The following CASS4 variants were observed in gnomAD, a reference collection of about 807,000 sequenced individuals.
The protein encoded by CASS4 is Cas scaffold protein family member 4.
In CASS4, 22 loss-of-function variants were observed where a neutral mutation model predicts 54.2. The observed-to-expected ratio is 0.41, with a 90% confidence interval of 0.29 to 0.58. CASS4 has a LOEUF of 0.58. Ranked by LOEUF, CASS4 falls within the 20% of genes least tolerant of loss-of-function variation. CASS4 has a pLI of 0.36. For synonymous variants in CASS4, 409 were observed against 391.5 expected, an observed-to-expected ratio of 1.04 and a Z score of -0.53; for missense variants, 854 against 986.7, an observed-to-expected ratio of 0.87 and a Z score of 1.80.
intron 1 of CASS4, among the ~76,000 whole-genome samples, chr20:56,413,587 C>T (rs1340903921): frequency 6.8e-6 from 1 of 147,714 alleles, no homozygotes; most frequent in Non-Finnish European, 1.5e-5. Flanking sequence ...GCACAAGAAT[C>T]GCTTGAGCCT....
intron 1 of CASS4, among the ~76,000 whole-genome samples, chr20:56,429,143 T>C (rs1979782483): frequency 6.6e-6 from 1 of 152,212 alleles, no homozygotes; most frequent in Non-Finnish European, 1.5e-5. Flanking sequence ...CTGCAGGAGC[T>C]GCTTCTCTCC....
At chr20:56,416,048 TA>T (rs922901737) in intron 1 of CASS4, among the ~76,000 whole-genome samples, 2 of 152,162 alleles carry the variant, frequency 1.3e-5, no homozygotes, top group African/African-American at 4.8e-5. Flanking sequence ...ACTAGAAATT[TA>T]GTTTTCGTGG....
intron 1 of CASS4, among the ~76,000 whole-genome samples, chr20:56,423,411 T>TGTC (rs772474647): frequency 8.7e-4 from 133 of 152,196 alleles, no homozygotes; most frequent in Non-Finnish European, 1.5e-3. Context: ...TCCAAATGAC[T>TGTC]GTCACACCAT....
chr20:56,413,561 T>C lies in CASS4; in HGVS notation c.36+1067T>C, dbSNP rs1191111490. 2.0e-5 allele frequency among the ~76,000 whole-genome samples: 3 copies of C among 150,650 alleles called. No homozygotes were observed. The Admixed American group carries it at 2.0e-4, about 10-fold the overall frequency. ...GGTGGCGCATGCCCGTGATCCCAGC[T>C]ACTCGGGAGGCTGAGGCACAAGAAT... On this transcript the variant is annotated intron_variant, in intron 1 of 5. Transcript: ENST00000679887.
chr20:56,445,657 C>A (rs541945433), intron 2 of CASS4, among the ~76,000 whole-genome samples: 2 of 152,338 alleles, frequency 1.3e-5, no homozygotes, highest in South Asian at 4.1e-4. Flanking sequence ...TTCAGGTGAA[C>A]TTCCCAGGTG....
chr20:56,443,418 G>C (rs1002154668), intron 2 of CASS4, among the ~76,000 whole-genome samples: 1 of 144,308 alleles, frequency 6.9e-6, no homozygotes, highest in Admixed American at 7.4e-5. Flanking sequence ...GCAGTAAGCC[G>C]AAATGGCACC....
intron 5 of CASS4, among the ~76,000 whole-genome samples, chr20:56,455,414 A>G (rs993408827): frequency 2.0e-5 from 3 of 152,196 alleles, no homozygotes; most frequent in Non-Finnish European, 4.4e-5. Context: ...AGAGGGTGGA[A>G]GAAAAGGATG....
At chr20:56,426,532 TCTTCTTCTTCTTCTTTTTTTTCCCC>T (rs1979647134) in intron 1 of CASS4, among the ~76,000 whole-genome samples, 1 of 151,180 alleles carries the variant, frequency 6.6e-6, no homozygotes, top group Admixed American at 6.6e-5. Context: ...GATTTTTCCC[TCTTCTTCTTCTTCTTTTTTTTCCCC>T]CTTCTTCTTC....
intron 1 of CASS4, among the ~76,000 whole-genome samples, chr20:56,418,830 T>G (rs1007994643): frequency 6.6e-6 from 1 of 152,216 alleles, no homozygotes; most frequent in African/African-American, 2.4e-5. Flanking sequence ...GAATGCCTGC[T>G]GCACACCAGG....
intron 1 of CASS4, among the ~76,000 whole-genome samples, chr20:56,418,563 C>T (rs979657076): frequency 6.6e-6 from 1 of 152,206 alleles, no homozygotes; most frequent in Non-Finnish European, 1.5e-5. Context: ...AGCTGGTAAA[C>T]GTGGAGACTT....
intron 3 of CASS4, among the ~76,000 whole-genome samples, chr20:56,448,466 G>T (rs564672096): frequency 1.3e-5 from 2 of 152,172 alleles, no homozygotes; most frequent in East Asian, 3.9e-4. Flanking sequence ...GCCAGAGTCA[G>T]CGCCCAACCA....
At chr20:56,438,315 C>A (rs554607064) in intron 2 of CASS4, among the ~76,000 whole-genome samples, 2 of 151,394 alleles carry the variant, frequency 1.3e-5, no homozygotes, top group Non-Finnish European at 2.9e-5. Context: ...ATATCCCCTT[C>A]AATGCAGAAA....
intron 1 of CASS4, among the ~76,000 whole-genome samples, chr20:56,415,938 TA>T (rs1376021060): frequency 2.0e-5 from 3 of 152,244 alleles, no homozygotes; most frequent in Non-Finnish European, 2.9e-5. Flanking sequence ...AAACACGTGA[TA>T]TTAGTGATAG....
At chr20:56,447,999 G>A (rs1980806418) in intron 3 of CASS4, among the ~76,000 whole-genome samples, 3 of 152,102 alleles carry the variant, frequency 2.0e-5, no homozygotes, top group South Asian at 2.1e-4. Flanking sequence ...AAAGTTAGCC[G>A]GGCATGGTGG....
chr20:56,415,257 A>G (rs1255697387), intron 1 of CASS4, among the ~76,000 whole-genome samples: 2 of 152,120 alleles, frequency 1.3e-5, no homozygotes, highest in African/African-American at 2.4e-5. Context: ...GTCATTCTTC[A>G]CTTATGGGTC....
chr20:56,417,353 C>T (rs1246279279), intron 1 of CASS4, among the ~76,000 whole-genome samples: 1 of 152,218 alleles, frequency 6.6e-6, no homozygotes, highest in African/African-American at 2.4e-5. Flanking sequence ...CCTTCCCCTT[C>T]TCCCCTGCTG....
intron 2 of CASS4, among the ~76,000 whole-genome samples, chr20:56,443,061 G>C (rs1654601836): frequency 1.4e-5 from 2 of 143,010 alleles, no homozygotes; most frequent in Admixed American, 7.0e-5. Flanking sequence ...ATTTGGAAAG[G>C]GTCTGCGGGG....
At chr20:56,439,570 G>T (rs902935784) in intron 2 of CASS4, among the ~76,000 whole-genome samples, 5 of 151,872 alleles carry the variant, frequency 3.3e-5, no homozygotes, top group Non-Finnish European at 7.4e-5. Context: ...CAGCTACTCA[G>T]GAGGCTGTGG....
In CASS4 at chr20:56,442,675, A is replaced by C. The variant is rs7264979; in HGVS notation, c.460-3225A>C. ...TGTGCTGGCCTAATTTAAAAAAAAA[A>C]CCCACCACATCAAGAGCATATTTGA... On this transcript the variant is annotated intron_variant, in intron 2 of 5. Transcript: ENST00000679887. Among the ~76,000 whole-genome samples the C allele has an allele frequency of 5.4e-5, 8 of 148,604 alleles. No homozygotes were observed. The East Asian group carries it at 6.0e-4, about 11-fold the overall frequency.
Sources: allele counts gnomAD v4.1 joint callset (sites outside exome capture counted in the v4.1 genomes callset), GRCh38; gene constraint gnomAD v4.1.1; transcripts MANE v1.5; gene names NCBI Gene and HGNC (gene_info 2026-07-23, HGNC 2026-07-21).